OSBP2: variants seen among roughly 807,000 people sequenced by gnomAD.
OSBP2 encodes oxysterol binding protein 2.
Under a neutral mutation model 96.0 loss-of-function variants are expected in OSBP2, and 66 were observed. That is an observed-to-expected ratio of 0.69 (90% CI 0.56 to 0.84). OSBP2 has a LOEUF of 0.84. OSBP2 is among the 40% of genes least tolerant of loss of function. OSBP2 has a pLI of 0.00. For missense variants in OSBP2, 1,038 were observed against 1,222.7 expected (o/e 0.85, Z 2.25); for synonymous variants, 525 against 520.9 (o/e 1.01, Z -0.11).
Position 30,881,868 on chromosome 22 carries a change from A to C in OSBP2, c.1108-5558A>C. 3.8e-4 allele frequency: 481 copies of C among 1,278,074 alleles called. No individual in the cohort carries two copies. The highest frequency in any genetic ancestry group is 4.9e-4 in the Middle Eastern group (2 of 4,114). The allele number at this position is 1,278,074 out of a possible 1,614,324, so 79.2% of individuals were successfully genotyped here. A position where few individuals can be genotyped will look rare whatever the true frequency, so the allele number is the denominator to read the frequency against. On this transcript the variant is annotated intron_variant, in intron 3 of 13. Coordinates refer to ENST00000332585, the MANE Select transcript of OSBP2 (RefSeq NM_030758.4). This position sits in a 1 kb window ranked among gnomAD's most constrained non-coding sequence, Gnocchi z 4.5. ...CATCCATGGGGTGACCAGGCAGCTC[A>C]TGTGCTGTGGGGGTAAAGGTCTTGG...
At chr22:30,717,354 T>G (rs2089479536) in intron 1 of OSBP2, among the ~76,000 whole-genome samples, 1 of 152,178 alleles carries the variant, frequency 6.6e-6, no homozygotes, top group Non-Finnish European at 1.5e-5. Flanking sequence ...CATCATTTGT[T>G]GAAGAGACTG....
At chr22:30,752,922 A>C (rs2090096153) in intron 2 of OSBP2, among the ~76,000 whole-genome samples, 1 of 152,202 alleles carries the variant, frequency 6.6e-6, no homozygotes, top group African/African-American at 2.4e-5. Context: ...TCTCTGCTTT[A>C]ATGTTAATGC....
At chr22:30,889,034 G>C in intron 5 of OSBP2, 143 bp from the exon 6 acceptor site, 1 of 639,190 alleles carries the variant, frequency 1.6e-6, no homozygotes, top group Non-Finnish European at 2.8e-6. Context: ...TGTTATTGCG[G>C]TGCCTGTCTA....
intron 2 of OSBP2, among the ~76,000 whole-genome samples, chr22:30,771,756 C>T (rs1004919709): frequency 3.3e-5 from 5 of 152,230 alleles, no homozygotes; most frequent in Admixed American, 1.3e-4. Flanking sequence ...GAGCTTCCAC[C>T]TGAATCAGGA....
In OSBP2 at chr22:30,695,125, A is replaced by G; in HGVS notation, c.216A>G (p.Ala72=). 1 of 1,597,368 alleles carries G rather than the reference A, an allele frequency of 6.3e-7. No individual in the cohort carries two copies. Among genetic ancestry groups the G allele is most frequent in the South Asian group, 1.1e-5 (1 of 88,658 alleles). The stretch of plus-strand genomic sequence containing the variant: ...CGCTGTCAGAACAGGTGTCGGAGGC[A>G]GTTTCGGAGGCAGTGCCAAGATCGG... ...RGPLSEQVSE[A]VSEAVPRSEP... Residue 72 remains alanine, a synonymous_variant, in exon 1 of 14, where the codon GCA becomes GCG. Coordinates refer to ENST00000332585, the MANE Select transcript of OSBP2 (RefSeq NM_030758.4).
chr22:30,728,264 T>C (rs1172874559), intron 1 of OSBP2, among the ~76,000 whole-genome samples: 4 of 151,418 alleles, frequency 2.6e-5, no homozygotes, highest in Non-Finnish European at 5.9e-5. Context: ...GATGTGGTGG[T>C]GGGTGCCTGT....
intron 1 of OSBP2, among the ~76,000 whole-genome samples, chr22:30,696,900 T>C (rs1381027599): frequency 6.6e-6 from 1 of 151,978 alleles, no homozygotes; most frequent in Admixed American, 6.6e-5. Flanking sequence ...CTCAGGTGAT[T>C]CGCCTGCCTC....
intron 2 of OSBP2, among the ~76,000 whole-genome samples, chr22:30,784,177 TC>T (rs879422579): frequency 0.017 from 2,518 of 152,298 alleles, 68 homozygotes; most frequent in African/African-American, 0.056. Flanking sequence ...TTGTAGGAAT[TC>T]ACTTAGTGAT....
intron 12 of OSBP2, among the ~76,000 whole-genome samples, chr22:30,900,748 T>C (rs773009626): frequency 6.6e-6 from 1 of 152,168 alleles, no homozygotes; most frequent in Admixed American, 6.5e-5. Context: ...CCTCACGTTA[T>C]AAAGAAAATC....
intron 2 of OSBP2, among the ~76,000 whole-genome samples, chr22:30,820,217 C>T (rs1187253765): frequency 1.3e-5 from 2 of 151,872 alleles, no homozygotes; most frequent in Non-Finnish European, 2.9e-5. Flanking sequence ...TTCATCTCTA[C>T]AAAAAATAAA....
chr22:30,891,372 A>G (rs2039943886), intron 8 of OSBP2, among the ~76,000 whole-genome samples: 1 of 152,174 alleles, frequency 6.6e-6, no homozygotes, highest in South Asian at 2.1e-4. Context: ...ACTCTGCCCC[A>G]GCCAGTGACA....
rs147195845 is a variant in OSBP2 at position 30,740,002 on chromosome 22, C to T, written c.645-1159C>T. ...CTGGGATTACAGGCAAGAGCCACCA[C>T]GCCCAGCTAATTTTTGTATTTTTAG... is the stretch of plus-strand genomic sequence containing the variant. On this transcript the variant is annotated intron_variant, in intron 1 of 13. Transcript: ENST00000332585. Among the ~76,000 whole-genome samples the T allele has an allele frequency of 2.5e-3, 383 of 152,226 alleles. 3 individuals are homozygous for T. Among genetic ancestry groups the T allele is most frequent in the African/African-American group, 8.8e-3 (364 of 41,538 alleles).
At chr22:30,838,909 A>C (rs1351580174) in intron 2 of OSBP2, among the ~76,000 whole-genome samples, 3 of 151,346 alleles carry the variant, frequency 2.0e-5, no homozygotes, top group Non-Finnish European at 4.4e-5. Context: ...ATATGTATAC[A>C]TGTGGCATGC....
intron 2 of OSBP2, among the ~76,000 whole-genome samples, chr22:30,804,893 TAA>T (rs2090906246): frequency 2.0e-5 from 3 of 152,256 alleles, no homozygotes; most frequent in African/African-American, 7.2e-5. Flanking sequence ...GCAGGGCAAC[TAA>T]GCAGTAGGAC....
At position 30,906,545 on chromosome 22, in the gene OSBP2, G is replaced by C. The variant is rs929880286; in HGVS notation, c.*206G>C. The C allele has an allele frequency of 1.7e-5, 9 of 536,940 alleles. No individual in the cohort carries two copies. The highest frequency in any genetic ancestry group is 2.8e-5 in the Non-Finnish European group (9 of 325,364). 33.3% of individuals were successfully genotyped at this position (536,940 alleles called of 1,614,324 possible). A position where few individuals can be genotyped will look rare whatever the true frequency, so the allele number is the denominator to read the frequency against. ...TGACCTGGGTTCTCTCCAGCCCCCAGGTGCGCCGGGTCACCCGTGCCCCTT... is the reference window on the plus strand; with the variant it reads ...TGACCTGGGTTCTCTCCAGCCCCCACGTGCGCCGGGTCACCCGTGCCCCTT... On this transcript the variant is annotated 3_prime_UTR_variant, in exon 14 of 14. Coordinates refer to ENST00000332585, the MANE Select transcript of OSBP2 (RefSeq NM_030758.4).
intron 2 of OSBP2, among the ~76,000 whole-genome samples, chr22:30,787,589 C>T (rs188335926): frequency 2.0e-5 from 3 of 152,188 alleles, no homozygotes; most frequent in African/African-American, 4.8e-5. Context: ...ATGAGAATCA[C>T]TTGAACCCGG....
At chr22:30,896,256 G>A (rs915254303) in intron 12 of OSBP2, among the ~76,000 whole-genome samples, 2 of 152,080 alleles carry the variant, frequency 1.3e-5, no homozygotes, top group African/African-American at 4.8e-5. Flanking sequence ...CTGACCTCAA[G>A]TGATCGGCAC....
intron 2 of OSBP2, among the ~76,000 whole-genome samples, chr22:30,787,715 C>G (rs1047435356): frequency 2.2e-4 from 33 of 152,082 alleles, no homozygotes; most frequent in African/African-American, 8.0e-4. Flanking sequence ...GGAACTGCCC[C>G]CATGATTCAG....
intron 2 of OSBP2, among the ~76,000 whole-genome samples, chr22:30,755,174 G>C (rs2090125771): frequency 6.6e-6 from 1 of 152,150 alleles, no homozygotes; most frequent in South Asian, 2.1e-4. Flanking sequence ...TGTAGGCCGT[G>C]GCCACTAAAC....
Sources: gnomAD v4.1 joint callset for allele counts (sites outside exome capture counted in the v4.1 genomes callset) on GRCh38, gnomAD v4.1.1 for gene constraint, Gnocchi (gnomAD v3.1) non-coding constraint, MANE v1.5 for transcripts, NCBI Gene and HGNC (gene_info 2026-07-23, HGNC 2026-07-21) for gene names.